Variants in PREX2 observed in about 807,000 individuals in gnomAD.
PREX2 encodes the protein phosphatidylinositol-3,4,5-trisphosphate dependent Rac exchange factor 2.
In PREX2, 107 loss-of-function variants were observed where a neutral mutation model predicts 203.2. That is an observed-to-expected ratio of 0.53 (90% CI 0.45 to 0.62). The LOEUF (loss-of-function observed/expected upper bound fraction) is 0.62. Among genes scored for constraint, PREX2 ranks in the 20% least tolerant of loss-of-function variants. The pLI, the probability that PREX2 is intolerant of heterozygous loss-of-function variation, is 0.00. For missense variants in PREX2, 1,777 were observed against 1,955.9 expected (o/e 0.91, Z 1.72); for synonymous variants, 672 against 663.6 (o/e 1.01, Z -0.19).
At chr8:68,076,775 T>C (rs182747098) in intron 14 of PREX2, among the ~76,000 whole-genome samples, 181 of 151,778 alleles carry the variant, frequency 1.2e-3, no homozygotes, top group African/African-American at 4.2e-3. Context: ...AATAGGTGTT[T>C]TCTAAATGAA....
intron 1 of PREX2, among the ~76,000 whole-genome samples, chr8:67,996,906 GT>G (rs1806783788): frequency 6.6e-6 from 1 of 152,096 alleles, no homozygotes; most frequent in Non-Finnish European, 1.5e-5. Flanking sequence ...TTCCTTCTCT[GT>G]TGAATTCAAC....
chr8:68,065,508 A>G (rs1241527545), intron 11 of PREX2, among the ~76,000 whole-genome samples: 2 of 152,180 alleles, frequency 1.3e-5, no homozygotes, highest in African/African-American at 4.8e-5. Context: ...AGCCATGTAG[A>G]ACGTTTGAAT....
intron 14 of PREX2, among the ~76,000 whole-genome samples, chr8:68,073,153 A>G (rs1228006114): frequency 6.6e-6 from 1 of 151,628 alleles, no homozygotes; most frequent in Non-Finnish European, 1.5e-5. Context: ...ACATTCAACC[A>G]TAAATTATTC....
chr8:68,017,157 A>G (rs948167526), intron 1 of PREX2, among the ~76,000 whole-genome samples: 2 of 152,006 alleles, frequency 1.3e-5, no homozygotes, highest in Non-Finnish European at 2.9e-5. Context: ...CTGTTTAGCC[A>G]TTGGTCAAAA....
intron 1 of PREX2, among the ~76,000 whole-genome samples, chr8:68,011,806 T>C (rs1383906228): frequency 6.6e-6 from 1 of 152,154 alleles, no homozygotes; most frequent in African/African-American, 2.4e-5. Flanking sequence ...TAGGCTGAGC[T>C]GTGAGATGAG....
rs1209917121 is a variant in PREX2 at position 68,146,231 on chromosome 8, A to G, written c.4110A>G (p.Ala1370=). Reference sequence around the variant, plus strand: ...TAGATGTTCCTCTTACATATCAAGCAGAAGGAAGTCGGCAAGCTCTGAAAG... The same window carrying G: ...TAGATGTTCCTCTTACATATCAAGCGGAAGGAAGTCGGCAAGCTCTGAAAG... The part of the protein sequence containing the change: ...LVANVPLTYQ[A]EGSRQALKVY... The change falls in exon 34 of 40, where the codon GCA becomes GCG. Residue 1370 remains alanine (A), a synonymous_variant. Transcript: ENST00000288368. 1.2e-6 allele frequency: 2 copies of G among 1,609,760 alleles called. No individual in the cohort carries two copies. The highest frequency in any genetic ancestry group is 1.3e-5 in the African/African-American group (1 of 74,748).
chr8:68,068,600 G>A (rs570967364), intron 11 of PREX2, among the ~76,000 whole-genome samples: 54 of 152,118 alleles, frequency 3.5e-4, no homozygotes, highest in African/African-American at 1.2e-3. Context: ...TTCCAAGACC[G>A]AGAATCAAAT....
At chr8:68,021,974 C>T (rs1807581590) in intron 3 of PREX2, 62 bp from the exon 4 acceptor site, 1 of 813,726 alleles carries the variant, frequency 1.2e-6, no homozygotes. Flanking sequence ...AAGCATATCA[C>T]ATAGGTTAAA....
rs1807451076 is a variant in PREX2 at position 68,017,896 on chromosome 8, T to C, written c.192T>C (p.Asn64=). ...NQCAASKVDK[N]VTEETVKMLF... is the part of the protein sequence containing the mutation. ...GTGCAGCATCAAAAGTTGACAAAAA[T>C]GTGACAGAAGAAACAGTGAAGGTGA... Residue 64 remains asparagine (N), a synonymous_variant, in exon 2 of 40, where the codon AAT becomes AAC. Transcript: ENST00000288368. 1 of 1,612,440 alleles carries C rather than the reference T, an allele frequency of 6.2e-7. No homozygotes were observed. The highest frequency in any genetic ancestry group is 1.3e-5 in the African/African-American group (1 of 74,846).
At chr8:68,074,231 C>T (rs1184165563) in intron 14 of PREX2, among the ~76,000 whole-genome samples, 1 of 152,142 alleles carries the variant, frequency 6.6e-6, no homozygotes, top group East Asian at 1.9e-4. Flanking sequence ...TCCCAAAGGG[C>T]TCGGATTACA....
intron 1 of PREX2, among the ~76,000 whole-genome samples, chr8:68,017,102 A>G (rs746789911): frequency 7.2e-5 from 11 of 152,236 alleles, no homozygotes; most frequent in Non-Finnish European, 1.3e-4. Context: ...AAGGCTCAAT[A>G]TAATGAAATT....
intron 1 of PREX2, among the ~76,000 whole-genome samples, chr8:68,003,106 AC>A (rs1806990666): frequency 6.6e-6 from 1 of 152,142 alleles, no homozygotes; most frequent in Admixed American, 6.5e-5. Context: ...ATTTCTGAAG[AC>A]TGTTTCAGGG....
At chr8:68,025,254 A>T (rs1193250197) in intron 4 of PREX2, among the ~76,000 whole-genome samples, 2 of 151,706 alleles carry the variant, frequency 1.3e-5, no homozygotes, top group Non-Finnish European at 2.9e-5. Flanking sequence ...TTTGAAGGAT[A>T]GTTTTACTTG....
chr8:67,968,104 C>T (rs1430037455), intron 1 of PREX2, among the ~76,000 whole-genome samples: 2 of 151,952 alleles, frequency 1.3e-5, no homozygotes, highest in Non-Finnish European at 2.9e-5. Flanking sequence ...GCAAACCCTC[C>T]CCGGCTTTCT....
At chr8:68,128,801 C>G (rs1022100642) in intron 31 of PREX2, among the ~76,000 whole-genome samples, 1 of 152,196 alleles carries the variant, frequency 6.6e-6, no homozygotes, top group East Asian at 1.9e-4. Context: ...AATTACATTA[C>G]AAGAGTGTGG....
chr8:68,217,676 A>G lies in PREX2; in HGVS notation c.4665A>G (p.Pro1555=), dbSNP rs767893713. ...AIILARSHGL[P]PRYIMQATDV... is the part of the protein sequence containing the mutation. The stretch of plus-strand genomic sequence containing the variant: ...TTCTGGCCAGAAGCCACGGACTGCC[A>G]CCTCGTTACATCATGCAGGCTACAG... Residue 1555 remains proline, a synonymous_variant, in exon 38 of 40, where the codon CCA becomes CCG. Transcript: ENST00000288368. 1.4e-5 allele frequency: 22 copies of G among 1,613,968 alleles called. No homozygotes were observed. Among genetic ancestry groups the G allele is most frequent in the Non-Finnish European group, 1.8e-5 (21 of 1,179,972 alleles).
At chr8:68,057,239 TC>T (rs1370307141) in intron 10 of PREX2, among the ~76,000 whole-genome samples, 1 of 152,100 alleles carries the variant, frequency 6.6e-6, no homozygotes, top group Non-Finnish European at 1.5e-5. Flanking sequence ...TGTGCCTGCA[TC>T]CCCTTCTGCC....
At chr8:67,995,497 A>C (rs1219849444) in intron 1 of PREX2, among the ~76,000 whole-genome samples, 6 of 152,220 alleles carry the variant, frequency 3.9e-5, no homozygotes, top group Admixed American at 3.9e-4. Context: ...ATTAATCAAG[A>C]TACCACACCA....
At chr8:68,207,563 C>A (rs1468654481) in intron 37 of PREX2, among the ~76,000 whole-genome samples, 1 of 149,562 alleles carries the variant, frequency 6.7e-6, no homozygotes, top group Non-Finnish European at 1.5e-5. Context: ...ACCAGTACAG[C>A]CTGGTGGTGG....
Sources: gnomAD v4.1 joint callset for allele counts (sites outside exome capture counted in the v4.1 genomes callset) on GRCh38, gnomAD v4.1.1 for gene constraint, MANE v1.5 for transcripts, NCBI Gene and HGNC (gene_info 2026-07-23, HGNC 2026-07-21) for gene names.